PRKD1: variants seen among roughly 807,000 people sequenced by gnomAD.
PRKD1 encodes the protein protein kinase D1, also known as serine/threonine-protein kinase D1.
In PRKD1, 63 loss-of-function variants were observed where a neutral mutation model predicts 95.9. The observed-to-expected ratio is 0.66, with a 90% CI of 0.54 to 0.81. The LOEUF is 0.81. Among genes scored for constraint, PRKD1 ranks in the 30% least tolerant of loss-of-function variants. PRKD1 has a pLI of 0.00. For synonymous variants in PRKD1, 425 were observed against 423.1 expected, an observed-to-expected ratio of 1.00 and a Z score of -0.05; for missense variants, 1,048 against 1,165.3, an observed-to-expected ratio of 0.90 and a Z score of 1.47.
chr14:29,611,316 T>G (rs1383199542), intron 13 of PRKD1, among the ~76,000 whole-genome samples: 1 of 152,136 alleles, frequency 6.6e-6, no homozygotes, highest in Non-Finnish European at 1.5e-5. Context: ...GCTCTAAAAA[T>G]AAAGTCTTTT....
At chr14:29,895,571 C>T (rs529915939) in intron 1 of PRKD1, among the ~76,000 whole-genome samples, 15 of 152,162 alleles carry the variant, frequency 9.9e-5, no homozygotes, top group East Asian at 3.9e-4. Flanking sequence ...AAGTCTCATT[C>T]GGAGGGAAAG....
chr14:29,599,697 C>A lies in PRKD1; in HGVS notation c.2026G>T (p.Gly676Cys), dbSNP rs1893443729. 2.5e-6 allele frequency: 4 copies of A among 1,613,280 alleles called. No individual in the cohort carries two copies. The highest frequency in any genetic ancestry group is 1.7e-5 in the Admixed American group (1 of 59,940). ...TTCGTTATGTGCTCTGGCAACCTGC[C>A]CTTTTCACTTGACAAGATCATTTCC... ...MLEMILSSEKGRLPEHITKFL... is the reference protein window; with the variant it reads ...MLEMILSSEKCRLPEHITKFL... Residue 676 changes from glycine (G) to cysteine (C), a missense_variant, in exon 14 of 18, where the codon GGC becomes TGC. Gly to Cys is a radical substitution (Grantham distance 159). This residue lies in a region of PRKD1 where 739 missense variants were observed against 861.9 expected (regional missense o/e 0.86). Transcript: ENST00000331968.
At chr14:29,717,935 T>C (rs1487221415) in intron 2 of PRKD1, among the ~76,000 whole-genome samples, 3 of 152,002 alleles carry the variant, frequency 2.0e-5, no homozygotes, top group Admixed American at 6.6e-5. Flanking sequence ...TGCTTCTCCA[T>C]CTCCTCCCTG....
At chr14:29,761,183 T>C (rs1047396077) in intron 1 of PRKD1, among the ~76,000 whole-genome samples, 1 of 152,226 alleles carries the variant, frequency 6.6e-6, no homozygotes, top group Non-Finnish European at 1.5e-5. Context: ...ATAGAAGACA[T>C]GCTTCCTTGC....
chr14:29,727,388 T>C (rs1886211722), intron 1 of PRKD1, among the ~76,000 whole-genome samples: 2 of 145,612 alleles, frequency 1.4e-5, no homozygotes, highest in African/African-American at 5.0e-5. Flanking sequence ...GTGCAGAAGC[T>C]CTTTAGTTAA....
intron 2 of PRKD1, among the ~76,000 whole-genome samples, chr14:29,711,038 A>T (rs1885311911): frequency 6.6e-6 from 1 of 152,110 alleles, no homozygotes; most frequent in Admixed American, 6.6e-5. Flanking sequence ...AGTTTTTAAA[A>T]GCAAAGAACC....
At chr14:29,788,662 G>A (rs1889384699) in intron 1 of PRKD1, among the ~76,000 whole-genome samples, 1 of 151,958 alleles carries the variant, frequency 6.6e-6, no homozygotes, top group African/African-American at 2.4e-5. Flanking sequence ...TTCCAATTCA[G>A]AAATTAGTTT....
chr14:29,579,385 A>C (rs1472803428), intron 16 of PRKD1, among the ~76,000 whole-genome samples: 2 of 152,100 alleles, frequency 1.3e-5, no homozygotes, highest in Non-Finnish European at 2.9e-5. Context: ...TCAAAGAGTT[A>C]ATTTTTGCCC....
intron 1 of PRKD1, among the ~76,000 whole-genome samples, chr14:29,910,278 A>T (rs1894659686): frequency 6.6e-6 from 1 of 152,116 alleles, no homozygotes; most frequent in Non-Finnish European, 1.5e-5. Flanking sequence ...AAGAGCTGTG[A>T]CACTCACCGC....
chr14:29,776,645 G>C (rs1888770990), intron 1 of PRKD1, among the ~76,000 whole-genome samples: 1 of 152,190 alleles, frequency 6.6e-6, no homozygotes, highest in African/African-American at 2.4e-5. Context: ...GGAACTATGT[G>C]AAAAGACCAA....
intron 1 of PRKD1, among the ~76,000 whole-genome samples, chr14:29,870,047 A>C (rs1029693490): frequency 1.3e-5 from 2 of 152,158 alleles, no homozygotes; most frequent in Admixed American, 1.3e-4. Flanking sequence ...ATTTTCACTT[A>C]TTATTATTAC....
At chr14:29,772,900 T>G (rs1433239662) in intron 1 of PRKD1, among the ~76,000 whole-genome samples, 1 of 152,248 alleles carries the variant, frequency 6.6e-6, no homozygotes, top group Non-Finnish European at 1.5e-5. Context: ...CATAAAATTT[T>G]ATTCCACAGA....
intron 2 of PRKD1, among the ~76,000 whole-genome samples, chr14:29,699,376 T>C (rs1207230301): frequency 6.6e-6 from 1 of 152,192 alleles, no homozygotes; most frequent in African/African-American, 2.4e-5. Flanking sequence ...AAGATTAATT[T>C]GCACTTTGTA....
chr14:29,747,665 T>TCAGAAA (rs2139451574), intron 1 of PRKD1, among the ~76,000 whole-genome samples: 1 of 152,202 alleles, frequency 6.6e-6, no homozygotes, highest in East Asian at 1.9e-4. Context: ...TGGATGAACT[T>TCAGAAA]CAGAAACACT....
chr14:29,833,780 C>T (rs1891505671), intron 1 of PRKD1, among the ~76,000 whole-genome samples: 2 of 151,936 alleles, frequency 1.3e-5, no homozygotes, highest in African/African-American at 4.8e-5. Context: ...AATGAAATTG[C>T]TATTTGTTGA....
intron 2 of PRKD1, among the ~76,000 whole-genome samples, chr14:29,689,610 A>AGG (rs1884111627): frequency 6.6e-6 from 1 of 152,240 alleles, no homozygotes; most frequent in African/African-American, 2.4e-5. Flanking sequence ...TGAGCCAGCA[A>AGG]TCCCATTACA....
chr14:29,735,001 A>C (rs1448909598), intron 1 of PRKD1, among the ~76,000 whole-genome samples: 2 of 152,132 alleles, frequency 1.3e-5, no homozygotes, highest in Non-Finnish European at 2.9e-5. Context: ...CTGAGGGATC[A>C]CGTTACTGCA....
chr14:29,631,347 G>A (rs1879994295), intron 9 of PRKD1, among the ~76,000 whole-genome samples: 1 of 152,078 alleles, frequency 6.6e-6, no homozygotes. Context: ...TAACAGTGAG[G>A]TAGAATCACA....
intron 1 of PRKD1, among the ~76,000 whole-genome samples, chr14:29,886,166 C>T (rs2139404359): frequency 6.6e-6 from 1 of 152,260 alleles, no homozygotes; most frequent in East Asian, 1.9e-4. Flanking sequence ...TCCACTCAGA[C>T]ACATTCTTGC....
Sources: gnomAD v4.1 joint callset for allele counts (sites outside exome capture counted in the v4.1 genomes callset) on GRCh38, gnomAD v4.1.1 for gene constraint, gnomAD v4.1.1 regional missense constraint, MANE v1.5 for transcripts, NCBI Gene and HGNC (gene_info 2026-07-23, HGNC 2026-07-21) for gene names.